The following TSPEAR variants were observed in gnomAD, a reference collection of about 807,000 sequenced individuals.
The protein encoded by TSPEAR is thrombospondin-type laminin G domain and EAR repeat-containing protein.
Under a neutral mutation model 71.6 loss-of-function variants are expected in TSPEAR, and 69 were observed. The ratio of observed to expected loss-of-function variants is 0.96; its 90% CI spans 0.79 to 1.18. The LOEUF is 1.18. TSPEAR is among the 50% of genes most tolerant of loss of function. TSPEAR has a pLI of 0.00. For synonymous variants in TSPEAR, 402 were observed against 387.2 expected, an observed-to-expected ratio of 1.04 and a Z score of -0.45; for missense variants, 971 against 894.9, an observed-to-expected ratio of 1.09 and a Z score of -1.09.
intron 1 of TSPEAR, among the ~76,000 whole-genome samples, chr21:44,622,356 A>G (rs1982495742): frequency 6.6e-6 from 1 of 152,028 alleles, no homozygotes; most frequent in South Asian, 2.1e-4. Context: ...GTGTTTTGAG[A>G]TTTTTTATGC....
At chr21:44,709,202 G>A (rs1555953109) in intron 1 of TSPEAR, among the ~76,000 whole-genome samples, 1 of 152,208 alleles carries the variant, frequency 6.6e-6, no homozygotes, top group African/African-American at 2.4e-5. Flanking sequence ...TCCACATGGA[G>A]GTGAAGTGGG....
intron 9 of TSPEAR, 162 bp from the exon 10 acceptor site, chr21:44,509,548 T>C (rs2052304305): frequency 1.7e-6 from 1 of 577,288 alleles, no homozygotes; most frequent in South Asian, 2.0e-5. Flanking sequence ...GGCGCAGAGG[T>C]GTGGGTGAGC....
intron 1 of TSPEAR, among the ~76,000 whole-genome samples, chr21:44,656,890 G>A (rs1370462795): frequency 1.3e-5 from 2 of 151,856 alleles, no homozygotes; most frequent in Admixed American, 6.6e-5. Context: ...AATTTCTACT[G>A]GTGTGTCTTC....
At position 44,711,358 on chromosome 21, in the gene TSPEAR, G is replaced by C. The variant is rs1988210943; in HGVS notation, c.82+75C>G. ...GCGGCTTGAATCAGTGTTAGAAAGT[G>C]GCATTTGTGACTCGACACCCCTCCC... is the stretch of plus-strand genomic sequence containing the variant. On this transcript the variant is annotated intron_variant, in intron 1 of 11. Coordinates refer to ENST00000323084, the MANE Select transcript of TSPEAR (RefSeq NM_144991.3). This position sits in a 1 kb window ranked among gnomAD's most constrained non-coding sequence, Gnocchi z 4.5. 3.7e-6 allele frequency: 5 copies of C among 1,351,666 alleles called. No homozygotes were observed. In the African/African-American group the frequency reaches 5.8e-5, roughly 16 times the overall value. The allele number at this position is 1,351,666 out of a possible 1,614,324, so 83.7% of individuals were successfully genotyped here.
intron 1 of TSPEAR, among the ~76,000 whole-genome samples, chr21:44,628,951 G>A (rs1266961016): frequency 7.0e-5 from 3 of 42,572 alleles, no homozygotes; most frequent in East Asian, 1.3e-3. Context: ...GTGGAGGGCC[G>A]GTGGGAACAG....
At chr21:44,618,476 C>T (rs1227037687) in intron 1 of TSPEAR, among the ~76,000 whole-genome samples, 1 of 152,192 alleles carries the variant, frequency 6.6e-6, no homozygotes, top group African/African-American at 2.4e-5. Context: ...CAACTTTATC[C>T]AAACTCTGGA....
Position 44,531,864 on chromosome 21 carries a change from G to A in TSPEAR, c.543-731C>T, listed in dbSNP as rs587645721. On this transcript the variant is annotated intron_variant, in intron 3 of 11. Coordinates refer to ENST00000323084, the MANE Select transcript of TSPEAR (RefSeq NM_144991.3). Reference sequence around the variant, plus strand: ...ACTCCGGAGATGGAGCAAGGTGGGTGCCCGCTGAGGGACAGCGTGGCTAGA... The same window carrying A: ...ACTCCGGAGATGGAGCAAGGTGGGTACCCGCTGAGGGACAGCGTGGCTAGA... Among the ~76,000 whole-genome samples the A allele has an allele frequency of 1.0e-3, 152 of 152,356 alleles. 1 individual carries two copies. The South Asian group carries it at 0.029, about 29-fold the overall frequency.
At position 44,499,465 on chromosome 21, in the gene TSPEAR, T is replaced by G; in HGVS notation, c.*318A>C. 1 of 295,700 alleles carries G rather than the reference T, an allele frequency of 3.4e-6. No homozygotes were observed. The highest frequency in any genetic ancestry group is 6.3e-6 in the Non-Finnish European group (1 of 157,644). 18.3% of individuals were successfully genotyped at this position (295,700 alleles called of 1,614,324 possible). A position where few individuals can be genotyped will look rare whatever the true frequency, so the allele number is the denominator to read the frequency against. ...GGGACATGAACCGAGGTCCTGTTGTTTGAGGTAAAAATGTATAGAAACGGT... is the reference window on the plus strand; with the variant it reads ...GGGACATGAACCGAGGTCCTGTTGTGTGAGGTAAAAATGTATAGAAACGGT... On this transcript the variant is annotated 3_prime_UTR_variant, in exon 12 of 12. Coordinates refer to ENST00000323084, the MANE Select transcript of TSPEAR (RefSeq NM_144991.3).
intron 10 of TSPEAR, chr21:44,508,831 G>A (rs587629378): frequency 1.1e-5 from 15 of 1,377,944 alleles, no homozygotes; most frequent in Admixed American, 5.9e-5. Flanking sequence ...GCGGGCACTC[G>A]AAGCCTGCAC....
In TSPEAR at chr21:44,556,933, A is replaced by G. The variant is rs149224876; in HGVS notation, c.303+10852T>C. Among the ~76,000 whole-genome samples, 590 of 152,304 alleles carry G rather than the reference A, an allele frequency of 3.9e-3. 4 individuals are homozygous for G. The highest frequency in any genetic ancestry group is 0.027 in the Middle Eastern group (8 of 294). On this transcript the variant is annotated intron_variant, in intron 2 of 11. Coordinates refer to ENST00000323084, the MANE Select transcript of TSPEAR (RefSeq NM_144991.3). Reference sequence around the variant, plus strand: ...TCGTGAAAGCTTTGGAGGTTTTCAGATAAGTAAAAGGAAACCAACTTCATG... The same window carrying G: ...TCGTGAAAGCTTTGGAGGTTTTCAGGTAAGTAAAAGGAAACCAACTTCATG...
chr21:44,612,150 T>C lies in TSPEAR; in HGVS notation c.83-44145A>G, dbSNP rs587671321. 9 of 1,614,058 alleles carry C rather than the reference T, an allele frequency of 5.6e-6. No homozygotes were observed. In the East Asian group the frequency reaches 1.6e-4, roughly 28 times the overall value. On this transcript the variant is annotated intron_variant, in intron 1 of 11. Transcript: ENST00000323084. The surrounding 1 kb of genome is among the most constrained non-coding windows in gnomAD (Gnocchi z 4.1). ...ACGTATGTGATTGCTGCATCCACCA[T>C]GTCTGTCTGCTCCAGTGACGTGGGC... is the stretch of plus-strand genomic sequence containing the variant.
At chr21:44,554,502 A>G (rs1453696046) in intron 2 of TSPEAR, among the ~76,000 whole-genome samples, 1 of 152,272 alleles carries the variant, frequency 6.6e-6, no homozygotes, top group Non-Finnish European at 1.5e-5. Context: ...ACACTGACCT[A>G]GGTCCAGATA....
At chr21:44,508,479 A>G in intron 10 of TSPEAR, 5 of 1,024,508 alleles carry the variant, frequency 4.9e-6, no homozygotes, top group Non-Finnish European at 5.9e-6. Flanking sequence ...AGCTTGACCC[A>G]TGGCCCCTGG....
At position 44,625,029 on chromosome 21, in the gene TSPEAR, G is replaced by C. The variant is rs587635958; in HGVS notation, c.83-57024C>G. Among the ~76,000 whole-genome samples the C allele has an allele frequency of 1.1e-3, 169 of 152,294 alleles. 2 individuals carry two copies. The highest frequency in any genetic ancestry group is 1.9e-3 in the Non-Finnish European group (129 of 68,032). Reference sequence around the variant, plus strand: ...ACACACAAAAGCAGAACTTGACAGAGAGTTTTATACAGCATAAGAAAAAGG... The same window carrying C: ...ACACACAAAAGCAGAACTTGACAGACAGTTTTATACAGCATAAGAAAAAGG... On this transcript the variant is annotated intron_variant, in intron 1 of 11. Transcript: ENST00000323084.
intron 10 of TSPEAR, among the ~76,000 whole-genome samples, chr21:44,505,378 C>G (rs2052169019): frequency 6.6e-6 from 1 of 152,088 alleles, no homozygotes; most frequent in South Asian, 2.1e-4. Flanking sequence ...CATGCCTGGC[C>G]TCAAATTTTA....
At chr21:44,575,120 G>A (rs782184654) in intron 1 of TSPEAR, 9 of 1,090,968 alleles carry the variant, frequency 8.2e-6, no homozygotes, top group East Asian at 7.7e-5. Flanking sequence ...CCATTTCCTG[G>A]TGTCTGCTGT....
At chr21:44,688,889 C>T (rs754331252) in intron 1 of TSPEAR, among the ~76,000 whole-genome samples, 12 of 152,094 alleles carry the variant, frequency 7.9e-5, no homozygotes, top group Non-Finnish European at 4.4e-5. Flanking sequence ...CACCCCCTGG[C>T]CAGGACCCCT....
intron 1 of TSPEAR, among the ~76,000 whole-genome samples, chr21:44,688,836 G>A (rs1018997293): frequency 1.3e-5 from 2 of 152,192 alleles, no homozygotes; most frequent in Admixed American, 6.5e-5. Context: ...AAGGGGAGTG[G>A]GGAGGGCTGC....
chr21:44,580,700 C>A, intron 1 of TSPEAR: 1 of 1,064,150 alleles, frequency 9.4e-7, no homozygotes, highest in Non-Finnish European at 1.4e-6. Flanking sequence ...TAAATCCCTC[C>A]CTGGCGTGTG....
Sources: gnomAD v4.1 joint callset for allele counts (sites outside exome capture counted in the v4.1 genomes callset) on GRCh38, gnomAD v4.1.1 for gene constraint, Gnocchi (gnomAD v3.1) non-coding constraint, MANE v1.5 for transcripts, NCBI Gene and HGNC (gene_info 2026-07-23, HGNC 2026-07-21) for gene names.